DOCK1: variants seen among roughly 807,000 people sequenced by gnomAD.
The protein encoded by DOCK1 is dedicator of cytokinesis 1, also known as dedicator of cytokinesis protein 1.
Under a neutral mutation model 262.7 loss-of-function variants are expected in DOCK1, and 138 were observed. The ratio of observed to expected loss-of-function variants is 0.53; its 90% confidence interval spans 0.46 to 0.61. The LOEUF (loss-of-function observed/expected upper bound fraction) is 0.61, where lower values mean the gene tolerates loss of function less well. DOCK1 is among the 20% of genes least tolerant of loss of function. DOCK1 has a pLI of 0.00. For missense variants in DOCK1, 1,908 were observed against 2,370.7 expected (o/e 0.80, Z 4.05); for synonymous variants, 866 against 867.4 (o/e 1.00, Z 0.03).
chr10:127,450,625 G>A (rs1283995009), intron 51 of DOCK1, among the ~76,000 whole-genome samples: 2 of 152,164 alleles, frequency 1.3e-5, no homozygotes. Flanking sequence ...AAAGCAATAG[G>A]GTGCAGCTGC....
rs1004938579 is a variant in DOCK1 at position 127,324,683 on chromosome 10, C to T, written c.3045-14323C>T. Among the ~76,000 whole-genome samples the T allele has an allele frequency of 4.6e-5, 7 of 152,036 alleles. No homozygotes were observed. In the South Asian group the frequency reaches 1.5e-3, roughly 32 times the overall value. ...GGGTGTAAGTTAACTGTTATCTCACCACTTTGCTACCAGGTTATAATCAAA... is the reference window on the plus strand; with the variant it reads ...GGGTGTAAGTTAACTGTTATCTCACTACTTTGCTACCAGGTTATAATCAAA... On this transcript the variant is annotated intron_variant, in intron 29 of 51. Coordinates refer to ENST00000623213, the MANE Select transcript of DOCK1 (RefSeq NM_001290223.2).
chr10:127,106,522 G>C (rs956865618), intron 24 of DOCK1, among the ~76,000 whole-genome samples: 2 of 152,158 alleles, frequency 1.3e-5, no homozygotes, highest in African/African-American at 4.8e-5. Flanking sequence ...CATTTTTTAA[G>C]AAGATTGTTT....
chr10:127,144,157 C>G (rs1405555972), intron 27 of DOCK1, among the ~76,000 whole-genome samples: 1 of 152,192 alleles, frequency 6.6e-6, no homozygotes. Flanking sequence ...CTCCCTCACT[C>G]TCTGTATTCT....
intron 27 of DOCK1, among the ~76,000 whole-genome samples, chr10:127,198,584 G>T (rs903387653): frequency 2.0e-5 from 3 of 152,194 alleles, no homozygotes; most frequent in African/African-American, 7.2e-5. Flanking sequence ...ACTCCAGGAA[G>T]AAAATGGAAA....
chr10:127,296,250 C>T (rs951111497), intron 29 of DOCK1, among the ~76,000 whole-genome samples: 2 of 152,188 alleles, frequency 1.3e-5, no homozygotes, highest in African/African-American at 4.8e-5. Context: ...TCTTACAATG[C>T]AACAAAGCAT....
intron 1 of DOCK1, among the ~76,000 whole-genome samples, chr10:126,946,928 C>A (rs2035457495): frequency 6.6e-6 from 1 of 152,152 alleles, no homozygotes; most frequent in African/African-American, 2.4e-5. Flanking sequence ...CGGACAGGCT[C>A]ACTTCTTGGA....
At chr10:127,257,303 G>T (rs1564940390) in intron 28 of DOCK1, 32 bp from the exon 29 acceptor site, 3 of 1,520,074 alleles carry the variant, frequency 2.0e-6, no homozygotes, top group Admixed American at 1.9e-5. Flanking sequence ...TTTCTTTGTG[G>T]GCCATTTCAG....
intron 27 of DOCK1, among the ~76,000 whole-genome samples, chr10:127,178,354 C>G (rs964266139): frequency 6.6e-6 from 1 of 152,234 alleles, no homozygotes; most frequent in East Asian, 1.9e-4. Context: ...AATCCTGGCA[C>G]TACTGGTATT....
intron 28 of DOCK1, among the ~76,000 whole-genome samples, chr10:127,248,830 G>A (rs921186705): frequency 6.6e-6 from 1 of 152,186 alleles, no homozygotes; most frequent in Non-Finnish European, 1.5e-5. Context: ...GAGGTGAGTG[G>A]TGGGCAAGGG....
intron 1 of DOCK1, among the ~76,000 whole-genome samples, chr10:126,945,859 G>C (rs1368617440): frequency 1.3e-5 from 2 of 152,192 alleles, no homozygotes; most frequent in African/African-American, 4.8e-5. Context: ...CAAGAGCAGG[G>C]GGTTTTGGGC....
chr10:126,940,941 T>G (rs1161762377), intron 1 of DOCK1, among the ~76,000 whole-genome samples: 1 of 152,212 alleles, frequency 6.6e-6, no homozygotes, highest in East Asian at 1.9e-4. Context: ...AAGATGATTC[T>G]TCGGAGGATG....
In DOCK1 at chr10:127,187,820, C is replaced by T. The variant is rs576827654; in HGVS notation, c.2847+60056C>T. ...CAAGCAAAAGCAAAAGCATATTGGT[C>T]TCTACCCCAGTCCAGGTAAATCAGA... is the stretch of plus-strand genomic sequence containing the variant. On this transcript the variant is annotated intron_variant, in intron 27 of 51. Transcript: ENST00000623213. Among the ~76,000 whole-genome samples the T allele has an allele frequency of 1.2e-4, 18 of 152,250 alleles. No homozygotes were observed. The East Asian group carries it at 3.1e-3, about 26-fold the overall frequency.
At chr10:127,143,072 G>A (rs541397381) in intron 27 of DOCK1, among the ~76,000 whole-genome samples, 1 of 152,254 alleles carries the variant, frequency 6.6e-6, no homozygotes, top group African/African-American at 2.4e-5. Flanking sequence ...TGCTTCTCCA[G>A]CTTATTCTCT....
chr10:127,433,985 C>G (rs2069484920), intron 48 of DOCK1, among the ~76,000 whole-genome samples: 1 of 151,968 alleles, frequency 6.6e-6, no homozygotes, highest in Non-Finnish European at 1.5e-5. Flanking sequence ...CCGGGCTGGC[C>G]AAGCACTTTG....
At chr10:127,394,122 A>G (rs1023681914) in intron 38 of DOCK1, among the ~76,000 whole-genome samples, 23 of 152,322 alleles carry the variant, frequency 1.5e-4, no homozygotes, top group African/African-American at 5.5e-4. Context: ...AGGGTCAAAA[A>G]TAGAAGTCCT....
rs918047061 is a variant in DOCK1, at chr10:126,934,533, C to T, written c.46+28970C>T. Among the ~76,000 whole-genome samples the T allele has an allele frequency of 5.9e-3, 894 of 152,330 alleles. 8 individuals carry two copies. Among genetic ancestry groups the T allele is most frequent in the African/African-American group, 0.02 (827 of 41,576 alleles). On this transcript the variant is annotated intron_variant, in intron 1 of 51. Coordinates refer to ENST00000623213, the MANE Select transcript of DOCK1 (RefSeq NM_001290223.2). Reference sequence around the variant, plus strand: ...GCAAATACCCAAAGACGAGTTATAACATTATCTTTAAAAATCACTGATACC... The same window carrying T: ...GCAAATACCCAAAGACGAGTTATAATATTATCTTTAAAAATCACTGATACC...
intron 27 of DOCK1, among the ~76,000 whole-genome samples, chr10:127,235,453 T>C (rs2059012629): frequency 2.0e-5 from 3 of 152,206 alleles, no homozygotes; most frequent in Admixed American, 2.0e-4. Context: ...CATGTTTATT[T>C]ACCAGTAGTT....
rs189809195 is a variant in DOCK1, at chr10:126,915,652, T to C, written c.46+10089T>C. ...ACGGGTTAGTAACACGGGGTTTCAC[T>C]GTGTTAGCCAGGATGGTCTCGATCT... On this transcript the variant is annotated intron_variant, in intron 1 of 51. Coordinates refer to ENST00000623213, the MANE Select transcript of DOCK1 (RefSeq NM_001290223.2). Among the ~76,000 whole-genome samples, 277 of 152,270 alleles carry C rather than the reference T, an allele frequency of 1.8e-3. 3 individuals carry two copies. Among genetic ancestry groups the C allele is most frequent in the South Asian group, 5.6e-3 (27 of 4,818 alleles).
intron 27 of DOCK1, among the ~76,000 whole-genome samples, chr10:127,183,101 A>G (rs933882710): frequency 5.4e-5 from 8 of 146,948 alleles, no homozygotes; most frequent in African/African-American, 2.0e-4. Flanking sequence ...TTTTTTAACT[A>G]AACAGCATGT....
Sources: gnomAD v4.1 joint callset for allele counts (sites outside exome capture counted in the v4.1 genomes callset) on GRCh38, gnomAD v4.1.1 for gene constraint, MANE v1.5 for transcripts, NCBI Gene and HGNC (gene_info 2026-07-23, HGNC 2026-07-21) for gene names.